LRP1B: variants seen among roughly 807,000 people sequenced by gnomAD.
LRP1B encodes low-density lipoprotein receptor-related protein 1B.
Under a neutral mutation model 556.6 loss-of-function variants are expected in LRP1B, and 217 were observed. The ratio of observed to expected loss-of-function variants is 0.39; its 90% CI spans 0.35 to 0.44. The LOEUF is 0.44. Ranked by LOEUF, LRP1B falls within the 20% of genes least tolerant of loss-of-function variation. The pLI, the probability that LRP1B is intolerant of heterozygous loss-of-function variation, is 1.00. For missense variants in LRP1B, 5,053 were observed against 5,620.8 expected, an observed-to-expected ratio of 0.90 and a Z score of 3.23; for synonymous variants, 2,047 against 1,865.8, an observed-to-expected ratio of 1.10 and a Z score of -2.50.
intron 1 of LRP1B, among the ~76,000 whole-genome samples, chr2:142,000,825 A>T (rs1702630115): frequency 6.6e-6 from 1 of 152,132 alleles, no homozygotes; most frequent in Admixed American, 6.6e-5. Context: ...AGATCACCCA[A>T]ATATTGAGAG....
chr2:140,460,633 G>C (rs1687279934), intron 60 of LRP1B, among the ~76,000 whole-genome samples: 1 of 152,112 alleles, frequency 6.6e-6, no homozygotes, highest in Admixed American at 6.5e-5. Context: ...TTCATTTACA[G>C]GTATTCAGTA....
intron 25 of LRP1B, among the ~76,000 whole-genome samples, chr2:140,872,188 A>T (rs1693156215): frequency 1.4e-5 from 2 of 147,992 alleles, no homozygotes; most frequent in African/African-American, 5.0e-5. Flanking sequence ...CCCCTGCTGC[A>T]TGAGGGACCT....
At chr2:140,972,718 C>CAATAGTTTG (rs11281589) in intron 18 of LRP1B, among the ~76,000 whole-genome samples, 110,882 of 151,026 alleles carry the variant, frequency 0.73, 41,233 homozygotes, top group Admixed American at 0.79. Flanking sequence ...CTTGTTAAAA[C>CAATAGTTTG]AATAGTTTGT....
intron 5 of LRP1B, among the ~76,000 whole-genome samples, chr2:141,240,489 T>C (rs1455245002): frequency 1.3e-5 from 2 of 152,134 alleles, no homozygotes; most frequent in African/African-American, 2.4e-5. Context: ...TATACCTATG[T>C]ACATTCTTGC....
chr2:140,557,679 T>C (rs1338993685), intron 43 of LRP1B, among the ~76,000 whole-genome samples: 1 of 152,194 alleles, frequency 6.6e-6, no homozygotes, highest in Non-Finnish European at 1.5e-5. Flanking sequence ...AATGTCTTTG[T>C]ATTGGCTGTT....
chr2:141,319,032 C>T (rs1332924742), intron 3 of LRP1B, among the ~76,000 whole-genome samples: 1 of 152,022 alleles, frequency 6.6e-6, no homozygotes, highest in African/African-American at 2.4e-5. Context: ...CACAACAAGT[C>T]TTCCAATTGT....
chr2:141,987,469 C>A (rs1702226456), intron 1 of LRP1B, among the ~76,000 whole-genome samples: 1 of 151,720 alleles, frequency 6.6e-6, no homozygotes, highest in Non-Finnish European at 1.5e-5. Flanking sequence ...GACAGTGCTT[C>A]TGTCTCTGGC....
intron 3 of LRP1B, among the ~76,000 whole-genome samples, chr2:141,322,506 T>A (rs1002494904): frequency 1.3e-5 from 2 of 152,016 alleles, no homozygotes; most frequent in African/African-American, 2.4e-5. Flanking sequence ...AGGATTACAT[T>A]CCCTTTTTGA....
At chr2:140,923,934 T>A (rs1559197190) in intron 20 of LRP1B, among the ~76,000 whole-genome samples, 1 of 152,096 alleles carries the variant, frequency 6.6e-6, no homozygotes, top group Non-Finnish European at 1.5e-5. Context: ...ATTACATGAC[T>A]AATCTGCAGC....
intron 18 of LRP1B, among the ~76,000 whole-genome samples, chr2:140,963,714 T>A (rs1392936484): frequency 6.6e-6 from 1 of 151,940 alleles, no homozygotes; most frequent in African/African-American, 2.4e-5. Flanking sequence ...CCCGGCACTT[T>A]GGGAGGCTGA....
rs1467621577 is a variant in LRP1B at position 142,049,066 on chromosome 2, T to C, written c.82+81582A>G. ...AACTGTTATTTGATTAAAGATCATTTTCATTAAATGTATGAAGCTACTATA... is the reference window on the plus strand; with the variant it reads ...AACTGTTATTTGATTAAAGATCATTCTCATTAAATGTATGAAGCTACTATA... On this transcript the variant is annotated intron_variant, in intron 1 of 90. Transcript: ENST00000389484. Among the ~76,000 whole-genome samples, 3 of 152,060 alleles carry C rather than the reference T, an allele frequency of 2.0e-5. 1 individual carries two copies. The highest frequency in any genetic ancestry group is 7.2e-5 in the African/African-American group (3 of 41,422).
intron 2 of LRP1B, among the ~76,000 whole-genome samples, chr2:141,802,353 C>G (rs2164697): frequency 0.19 from 29,203 of 152,022 alleles, 3,259 homozygotes; most frequent in East Asian, 0.39. Context: ...TCCTACCCAA[C>G]CCCTTCTTCA....
intron 3 of LRP1B, among the ~76,000 whole-genome samples, chr2:141,409,681 T>C (rs1225807443): frequency 6.6e-6 from 1 of 151,846 alleles, no homozygotes; most frequent in Non-Finnish European, 1.5e-5. Context: ...ATCCTACAAG[T>C]CAAACCAACA....
At chr2:140,607,587 T>TA (rs1559001375) in intron 41 of LRP1B, among the ~76,000 whole-genome samples, 1 of 151,680 alleles carries the variant, frequency 6.6e-6, no homozygotes, top group Non-Finnish European at 1.5e-5. Context: ...TTCAACAATA[T>TA]AAAAACTGAA....
intron 2 of LRP1B, among the ~76,000 whole-genome samples, chr2:141,758,761 T>A (rs1399975298): frequency 6.6e-6 from 1 of 152,162 alleles, no homozygotes; most frequent in African/African-American, 2.4e-5. Context: ...AACTTTTGTT[T>A]TTATTCAGTT....
intron 1 of LRP1B, among the ~76,000 whole-genome samples, chr2:142,121,075 A>G (rs1707441951): frequency 6.6e-6 from 1 of 152,122 alleles, no homozygotes; most frequent in African/African-American, 2.4e-5. Flanking sequence ...TTTCATGCCT[A>G]TCCTCCCTAA....
At chr2:140,642,800 C>T (rs1381868127) in intron 41 of LRP1B, among the ~76,000 whole-genome samples, 1 of 152,068 alleles carries the variant, frequency 6.6e-6, no homozygotes, top group Non-Finnish European at 1.5e-5. Flanking sequence ...GCCGAGATCG[C>T]GCCACTGCCC....
intron 1 of LRP1B, among the ~76,000 whole-genome samples, chr2:141,820,732 T>A (rs940076929): frequency 3.3e-5 from 5 of 152,216 alleles, no homozygotes; most frequent in African/African-American, 4.8e-5. Flanking sequence ...TGGTGTACAA[T>A]TCTAGCTGGA....
chr2:141,351,690 G>A lies in LRP1B; in HGVS notation c.344-97049C>T, dbSNP rs529226199. Among the ~76,000 whole-genome samples the A allele has an allele frequency of 3.3e-5, 5 of 152,124 alleles. No individual in the cohort carries two copies. In the South Asian group the frequency reaches 1.0e-3, roughly 31 times the overall value. On this transcript the variant is annotated intron_variant, in intron 3 of 90. Coordinates refer to ENST00000389484, the MANE Select transcript of LRP1B (RefSeq NM_018557.3). ...AGCATGGAGCTCCAACTCTAGTGGGGAAGTCAAACACATAATCAATACTCT... is the reference window on the plus strand; with the variant it reads ...AGCATGGAGCTCCAACTCTAGTGGGAAAGTCAAACACATAATCAATACTCT...
Sources: gnomAD v4.1 joint callset for allele counts (sites outside exome capture counted in the v4.1 genomes callset) on GRCh38, gnomAD v4.1.1 for gene constraint, MANE v1.5 for transcripts, NCBI Gene and HGNC (gene_info 2026-07-23, HGNC 2026-07-21) for gene names.